The following NTRK3 variants were observed in gnomAD, a reference collection of about 807,000 sequenced individuals.
NTRK3 encodes NT-3 growth factor receptor.
NTRK3 carries 24 observed loss-of-function variants against 91.7 expected under a neutral mutation model. The ratio of observed to expected loss-of-function variants is 0.26; its 90% confidence interval spans 0.19 to 0.37. The LOEUF (loss-of-function observed/expected upper bound fraction) is 0.37, where lower values mean the gene tolerates loss of function less well. NTRK3 is among the 10% of genes least tolerant of loss of function. The pLI is 1.00. For synonymous variants in NTRK3, 483 were observed against 404.0 expected (o/e 1.20, Z -2.34); for missense variants, 880 against 1,068.9 (o/e 0.82, Z 2.46).
chr15:87,939,964 G>A (rs1253423464), intron 15 of NTRK3, among the ~76,000 whole-genome samples: 1 of 152,214 alleles, frequency 6.6e-6, no homozygotes, highest in Non-Finnish European at 1.5e-5. Flanking sequence ...CTGCAAATCT[G>A]CCACGTGTCT....
At chr15:88,058,158 G>C (rs562625608) in intron 13 of NTRK3, among the ~76,000 whole-genome samples, 2 of 152,178 alleles carry the variant, frequency 1.3e-5, no homozygotes, top group African/African-American at 4.8e-5. Context: ...ACAGGGTCAG[G>C]AGCAAGTGTG....
chr15:88,094,475 C>CAAAAAAAAAAA (rs10610101), intron 13 of NTRK3, among the ~76,000 whole-genome samples: 5 of 30,326 alleles, frequency 1.6e-4, no homozygotes, highest in African/African-American at 2.8e-4. Context: ...GACTCCGTCT[C>CAAAAAAAAAAA]AAAAAAAAAA....
chr15:88,207,589 C>A (rs548239519), intron 3 of NTRK3, among the ~76,000 whole-genome samples: 2 of 152,318 alleles, frequency 1.3e-5, no homozygotes, highest in South Asian at 2.1e-4. Flanking sequence ...GAGCTTTTTT[C>A]TCTGGAGAAG....
At chr15:88,096,747 C>T (rs1195043389) in intron 13 of NTRK3, among the ~76,000 whole-genome samples, 1 of 152,190 alleles carries the variant, frequency 6.6e-6, no homozygotes, top group Non-Finnish European at 1.5e-5. Context: ...GCAGGTGCCA[C>T]CCAGTTTCTC....
At chr15:88,066,595 G>A (rs557360196) in intron 13 of NTRK3, among the ~76,000 whole-genome samples, 1 of 152,312 alleles carries the variant, frequency 6.6e-6, no homozygotes, top group East Asian at 1.9e-4. Context: ...ACAGGGAAGA[G>A]AAGAACAGAG....
intron 13 of NTRK3, among the ~76,000 whole-genome samples, chr15:88,066,452 GC>G (rs1357072538): frequency 5.9e-5 from 9 of 152,180 alleles, no homozygotes; most frequent in African/African-American, 2.2e-4. Context: ...ACACAGCCCT[GC>G]CTTTCTGAAT....
At chr15:87,998,236 A>C (rs977498720) in intron 14 of NTRK3, among the ~76,000 whole-genome samples, 2 of 152,214 alleles carry the variant, frequency 1.3e-5, no homozygotes, top group Non-Finnish European at 2.9e-5. Flanking sequence ...ACAAGTAGGA[A>C]ATTTTCACTG....
rs563758028 is a variant in NTRK3 at position 87,919,080 on chromosome 15, G to C, written c.2133+10111C>G. Among the ~76,000 whole-genome samples, 8 of 150,738 alleles carry C rather than the reference G, an allele frequency of 5.3e-5. No individual in the cohort carries two copies. The South Asian group carries it at 1.7e-3, about 32-fold the overall frequency. The stretch of plus-strand genomic sequence containing the variant: ...TGCAGTGGCAGACAATAATGCTATT[G>C]GTGTGGCCAGTACTTGTGAAAAGAT... On this transcript the variant is annotated intron_variant, in intron 17 of 18. Transcript: ENST00000394480.
At chr15:88,188,011 G>A (rs189341635) in intron 3 of NTRK3, among the ~76,000 whole-genome samples, 6 of 152,180 alleles carry the variant, frequency 3.9e-5, no homozygotes, top group African/African-American at 1.4e-4. Flanking sequence ...TGGGGGCGGT[G>A]ACTGGTTTCC....
chr15:87,956,176 C>T (rs762722259), intron 14 of NTRK3, among the ~76,000 whole-genome samples: 11 of 152,140 alleles, frequency 7.2e-5, no homozygotes, highest in Non-Finnish European at 1.5e-4. Flanking sequence ...CAGATGGAAA[C>T]TGATTTTTCA....
chr15:87,966,955 C>T (rs530233845), intron 14 of NTRK3, among the ~76,000 whole-genome samples: 14 of 152,290 alleles, frequency 9.2e-5, no homozygotes, highest in African/African-American at 3.4e-4. Flanking sequence ...CAGAAGCACC[C>T]ACCCTCAGTT....
intron 10 of NTRK3, 52 bp downstream of exon 10, chr15:88,135,049 C>A (rs368096469): frequency 6.2e-7 from 1 of 1,605,334 alleles, no homozygotes; most frequent in African/African-American, 1.3e-5. Flanking sequence ...CCCCATCTCC[C>A]AAGCTTGTAG....
chr15:88,093,020 T>C (rs2049171160), intron 13 of NTRK3, among the ~76,000 whole-genome samples: 2 of 151,908 alleles, frequency 1.3e-5, no homozygotes, highest in African/African-American at 2.4e-5. Flanking sequence ...TAGGACCTGA[T>C]TTTTTGTTTC....
chr15:88,132,740 C>A (rs2041486435), intron 10 of NTRK3, among the ~76,000 whole-genome samples: 1 of 152,170 alleles, frequency 6.6e-6, no homozygotes, highest in South Asian at 2.1e-4. Flanking sequence ...AGATAATTGA[C>A]TCTCTTGAGC....
At chr15:87,921,133 T>C (rs907773948) in intron 17 of NTRK3, among the ~76,000 whole-genome samples, 2 of 152,180 alleles carry the variant, frequency 1.3e-5, no homozygotes, top group African/African-American at 4.8e-5. Context: ...AATTTTATTA[T>C]AAAAATTTGG....
intron 13 of NTRK3, among the ~76,000 whole-genome samples, chr15:88,066,136 T>C (rs1308425961): frequency 6.6e-6 from 1 of 152,208 alleles, no homozygotes; most frequent in African/African-American, 2.4e-5. Flanking sequence ...ATAAACTATT[T>C]TAATGTCAAT....
At chr15:87,986,989 T>C (rs373755610) in intron 14 of NTRK3, among the ~76,000 whole-genome samples, 1 of 152,352 alleles carries the variant, frequency 6.6e-6, no homozygotes, top group East Asian at 1.9e-4. Flanking sequence ...CAATGAGTGA[T>C]AGTTTGCTGA....
chr15:87,986,231 G>A (rs1162137582), intron 14 of NTRK3, among the ~76,000 whole-genome samples: 1 of 152,138 alleles, frequency 6.6e-6, no homozygotes, highest in Non-Finnish European at 1.5e-5. Context: ...TTTGTATTCA[G>A]TATATTTTTT....
At chr15:87,981,122 C>A in intron 14 of NTRK3, 1 of 1,535,220 alleles carries the variant, frequency 6.5e-7, no homozygotes, top group South Asian at 1.2e-5. Flanking sequence ...TACCTCAGTC[C>A]ACGAAATATA....
Sources: allele counts gnomAD v4.1 joint callset (sites outside exome capture counted in the v4.1 genomes callset), GRCh38; gene constraint gnomAD v4.1.1; transcripts MANE v1.5; gene names NCBI Gene and HGNC (gene_info 2026-07-23, HGNC 2026-07-21).